KIF16B: variants seen among roughly 807,000 people sequenced by gnomAD.
KIF16B encodes kinesin-like protein KIF16B.
Under a neutral mutation model 156.3 loss-of-function variants are expected in KIF16B, and 98 were observed. The ratio of observed to expected loss-of-function variants is 0.63; its 90% CI spans 0.53 to 0.74. KIF16B has a LOEUF of 0.74. Ranked by LOEUF, KIF16B falls within the 30% of genes least tolerant of loss-of-function variation. The pLI, the probability that KIF16B is intolerant of heterozygous loss-of-function variation, is 0.00. For missense variants in KIF16B, 1,421 were observed against 1,606.5 expected, an observed-to-expected ratio of 0.88 and a Z score of 1.97; for synonymous variants, 564 against 583.7, an observed-to-expected ratio of 0.97 and a Z score of 0.49.
intron 25 of KIF16B, among the ~76,000 whole-genome samples, chr20:16,293,130 C>A (rs1022524602): frequency 6.6e-6 from 1 of 152,152 alleles, no homozygotes; most frequent in Non-Finnish European, 1.5e-5. Flanking sequence ...AACAACAAAA[C>A]CTTAAGAAAG....
chr20:16,480,776 A>G (rs2067958658), intron 12 of KIF16B, among the ~76,000 whole-genome samples: 1 of 152,244 alleles, frequency 6.6e-6, no homozygotes, highest in Non-Finnish European at 1.5e-5. Flanking sequence ...CACTTTGTGT[A>G]TGTTAAATCT....
In KIF16B at chr20:16,525,778, T is replaced by C. The variant is rs370750661; in HGVS notation, c.231+314A>G. ...TTTACTGTGCTTCGCAGCATACACA[T>C]GTCTCCCCAGAAATGCTTTCTATGT... On this transcript the variant is annotated intron_variant, in intron 3 of 25. Coordinates refer to ENST00000354981, the MANE Select transcript of KIF16B (RefSeq NM_024704.5). Among the ~76,000 whole-genome samples the C allele has an allele frequency of 1.6e-3, 248 of 152,324 alleles. 1 individual carries two copies. The highest frequency in any genetic ancestry group is 5.4e-3 in the African/African-American group (224 of 41,588).
chr20:16,538,598 G>A (rs545720710), intron 1 of KIF16B, among the ~76,000 whole-genome samples: 22 of 152,228 alleles, frequency 1.4e-4, no homozygotes, highest in Admixed American at 8.5e-4. Flanking sequence ...AATATGGGGG[G>A]AGGAGGACGA....
chr20:16,453,493 T>G (rs1233324209), intron 12 of KIF16B, among the ~76,000 whole-genome samples: 1 of 151,684 alleles, frequency 6.6e-6, no homozygotes, highest in Admixed American at 6.6e-5. Context: ...TCCACACACA[T>G]ACAAACACCA....
chr20:16,514,582 GAAAAAAAAAA>G (rs540602451), intron 4 of KIF16B, among the ~76,000 whole-genome samples: 11 of 76,948 alleles, frequency 1.4e-4, no homozygotes, highest in African/African-American at 5.6e-5. Flanking sequence ...TAAGAAATAA[GAAAAAAAAAA>G]AAAAAAAAAA....
chr20:16,507,822 A>T, intron 7 of KIF16B, 136 bp downstream of exon 7: 2 of 869,604 alleles, frequency 2.3e-6, no homozygotes, highest in Non-Finnish European at 3.6e-6. Flanking sequence ...GTTCAACTCT[A>T]ATTAACAAGA....
intron 23 of KIF16B, among the ~76,000 whole-genome samples, chr20:16,350,950 G>A (rs1379209786): frequency 6.6e-6 from 1 of 151,952 alleles, no homozygotes; most frequent in East Asian, 1.9e-4. Flanking sequence ...GTACCCACAG[G>A]GGAAGATCAG....
At chr20:16,298,514 T>C (rs1243103079) in intron 25 of KIF16B, among the ~76,000 whole-genome samples, 1 of 152,216 alleles carries the variant, frequency 6.6e-6, no homozygotes, top group Non-Finnish European at 1.5e-5. Flanking sequence ...GAGGTGTTTA[T>C]AGTATTCTCT....
At chr20:16,464,012 G>A (rs966630566) in intron 12 of KIF16B, among the ~76,000 whole-genome samples, 1 of 152,072 alleles carries the variant, frequency 6.6e-6, no homozygotes, top group Admixed American at 6.6e-5. Flanking sequence ...AATGCCCTTT[G>A]GATAGTCATC....
chr20:16,465,586 A>G (rs1383041776), intron 12 of KIF16B, among the ~76,000 whole-genome samples: 1 of 152,250 alleles, frequency 6.6e-6, no homozygotes. Flanking sequence ...TACATGAATT[A>G]TCTTATATAA....
intron 15 of KIF16B, among the ~76,000 whole-genome samples, chr20:16,412,839 T>G (rs2065992687): frequency 6.6e-6 from 1 of 152,126 alleles, no homozygotes; most frequent in Admixed American, 6.5e-5. Context: ...AAAACTTATA[T>G]GTATACTTAA....
At chr20:16,570,039 G>A (rs1333150034) in intron 1 of KIF16B, among the ~76,000 whole-genome samples, 1 of 151,826 alleles carries the variant, frequency 6.6e-6, no homozygotes, top group Non-Finnish European at 1.5e-5. Context: ...CTCCACTGTG[G>A]ATATCTTGCT....
At position 16,506,052 on chromosome 20, in the gene KIF16B, C is replaced by T; in HGVS notation, c.838G>A (p.Val280Met). ...GCAGAAATGACGTTCCCCAGAGTCA[C>T]GAGGGACTTGTTAATATTTCCCCCT... ...KEGGNINKSLVTLGNVISALA... is the reference protein window; with the variant it reads ...KEGGNINKSLMTLGNVISALA... The change falls in exon 8 of 26, where the codon GTG becomes ATG. Residue 280 changes from valine (V) to methionine (M), a missense_variant. By Grantham distance (21) the Val-to-Met change is conservative. Coordinates refer to ENST00000354981, the MANE Select transcript of KIF16B (RefSeq NM_024704.5). 5 of 1,614,096 alleles carry T rather than the reference C, an allele frequency of 3.1e-6. No individual in the cohort carries two copies. In the South Asian group the frequency reaches 4.4e-5, roughly 14 times the overall value.
chr20:16,550,866 C>A (rs2070623048), intron 1 of KIF16B, among the ~76,000 whole-genome samples: 1 of 151,948 alleles, frequency 6.6e-6, no homozygotes. Context: ...TTTAAAATAG[C>A]ATCCCAGGGC....
intron 12 of KIF16B, among the ~76,000 whole-genome samples, chr20:16,466,418 C>T (rs910086259): frequency 6.6e-6 from 1 of 152,184 alleles, no homozygotes; most frequent in African/African-American, 2.4e-5. Context: ...ATTGTAGCTC[C>T]CATAATCCCC....
chr20:16,379,080 T>C lies in KIF16B; in HGVS notation c.2922A>G (p.Glu974=), dbSNP rs1022991417. ...CCTGACGTGCAATGTTGGCAGTGAA[T>C]TCAAAGGTGGCTTGGAGCTTTTGCA... ...NQLQKLQATF[E]FTANIARQEE... Residue 974 remains glutamate, a synonymous_variant, in exon 19 of 26, where the codon GAA becomes GAG. Coordinates refer to ENST00000354981, the MANE Select transcript of KIF16B (RefSeq NM_024704.5). 3 of 1,612,068 alleles carry C rather than the reference T, an allele frequency of 1.9e-6. No individual in the cohort carries two copies. In the African/African-American group the frequency reaches 4.0e-5, roughly 22 times the overall value.
chr20:16,404,950 G>T, intron 16 of KIF16B, 49 bp from the exon 17 acceptor site: 1 of 1,343,680 alleles, frequency 7.4e-7, no homozygotes, highest in Non-Finnish European at 1.1e-6. Flanking sequence ...AGAAGAAAAG[G>T]CCACTGCTCT....
intron 9 of KIF16B, 69 bp from the exon 10 acceptor site, chr20:16,504,616 G>T: frequency 6.9e-7 from 1 of 1,440,136 alleles, no homozygotes; most frequent in Non-Finnish European, 9.7e-7. Flanking sequence ...AAGTTGGTTT[G>T]TAATTTAAAA....
chr20:16,427,183 T>TA lies in KIF16B; in HGVS notation c.1532_1533insT (p.Val512SerfsTer41). 1 of 1,612,996 alleles carries TA rather than the reference T, an allele frequency of 6.2e-7. No individual in the cohort carries two copies. Among genetic ancestry groups the TA allele is most frequent in the Non-Finnish European group, 8.5e-7 (1 of 1,179,308 alleles). On this transcript the variant is annotated frameshift_variant, in exon 15 of 26. Coordinates refer to ENST00000354981, the MANE Select transcript of KIF16B (RefSeq NM_024704.5). LOFTEE classifies it high-confidence loss of function. Reference sequence around the variant, plus strand: ...ACCCACTCAGGGGTATCAGAGTCACTGTCCCCCCGATATTTTCAAAGATGC... The same window carrying TA: ...ACCCACTCAGGGGTATCAGAGTCACTAGTCCCCCCGATATTTTCAAAGATGC...
Sources: allele counts gnomAD v4.1 joint callset (sites outside exome capture counted in the v4.1 genomes callset), GRCh38; gene constraint gnomAD v4.1.1; transcripts MANE v1.5; gene names NCBI Gene and HGNC (gene_info 2026-07-23, HGNC 2026-07-21).